HACE1: variants seen among roughly 807,000 people sequenced by gnomAD.
The protein encoded by HACE1 is E3 ubiquitin-protein ligase HACE1.
Under a neutral mutation model 118.4 loss-of-function variants are expected in HACE1, and 73 were observed. That is an observed-to-expected ratio of 0.62 (90% CI 0.51 to 0.75). The LOEUF (loss-of-function observed/expected upper bound fraction) is 0.75, where lower values mean the gene tolerates loss of function less well. HACE1 is among the 30% of genes least tolerant of loss of function. The pLI is 0.00. For synonymous variants in HACE1, 368 were observed against 374.8 expected (o/e 0.98, Z 0.21); for missense variants, 749 against 1,102.2 (o/e 0.68, Z 4.54).
chr6:104,805,608 A>G (rs1202151355), intron 7 of HACE1, among the ~76,000 whole-genome samples: 1 of 152,200 alleles, frequency 6.6e-6, no homozygotes, highest in East Asian at 1.9e-4. Context: ...CCAAGGACAG[A>G]AAACTAAACA....
intron 22 of HACE1, among the ~76,000 whole-genome samples, chr6:104,739,174 C>T (rs1776317452): frequency 6.6e-6 from 1 of 152,146 alleles, no homozygotes; most frequent in Admixed American, 6.5e-5. Flanking sequence ...AAGCGCTAAA[C>T]ATGGAAAGGA....
intron 5 of HACE1, among the ~76,000 whole-genome samples, chr6:104,838,631 A>G (rs1366781110): frequency 6.6e-6 from 1 of 152,144 alleles, no homozygotes; most frequent in South Asian, 2.1e-4. Context: ...TCTCCAGGAC[A>G]TTGGTTTGGG....
chr6:104,810,635 C>T (rs1771498954), intron 7 of HACE1, among the ~76,000 whole-genome samples: 1 of 151,878 alleles, frequency 6.6e-6, no homozygotes, highest in Non-Finnish European at 1.5e-5. Flanking sequence ...ATACTGATAG[C>T]TCCTTAGGGA....
rs562213299 is a variant in HACE1, at chr6:104,847,400, TC to T, written c.326+1741del. ...TTCAGCAAGGGAATGAATGATTTAC[TC>T]TATGACCTTGGGTGTGACACATTAC... On this transcript the variant is annotated intron_variant, in intron 4 of 23. Transcript: ENST00000262903. 1.8e-4 allele frequency among the ~76,000 whole-genome samples: 28 copies of T among 152,384 alleles called. No individual in the cohort carries two copies. The East Asian group carries it at 5.2e-3, about 28-fold the overall frequency.
At chr6:104,856,441 G>GTT (rs35348044) in intron 1 of HACE1, among the ~76,000 whole-genome samples, 21,575 of 148,454 alleles carry the variant, frequency 0.15, 1,577 homozygotes, top group Middle Eastern at 0.24. Flanking sequence ...TTATTTATGT[G>GTT]TTTTTTTTTT....
At chr6:104,849,911 A>G (rs1313914600) in intron 3 of HACE1, among the ~76,000 whole-genome samples, 1 of 150,502 alleles carries the variant, frequency 6.6e-6, no homozygotes, top group Non-Finnish European at 1.5e-5. Context: ...CGGCCTCCCA[A>G]AGTGCTAGGA....
intron 22 of HACE1, among the ~76,000 whole-genome samples, chr6:104,733,656 C>T (rs1292020962): frequency 6.6e-6 from 1 of 151,656 alleles, no homozygotes; most frequent in African/African-American, 2.4e-5. Context: ...AGGGACCAGA[C>T]TGGCCAACAT....
chr6:104,756,410 TCA>T (rs1491522223), intron 19 of HACE1, among the ~76,000 whole-genome samples: 3 of 49,166 alleles, frequency 6.1e-5, no homozygotes, highest in Non-Finnish European at 1.1e-4. Flanking sequence ...AGATTCCATC[TCA>T]AAAAAAAAAA....
chr6:104,760,044 G>A (rs552199719), intron 19 of HACE1, among the ~76,000 whole-genome samples: 3 of 152,180 alleles, frequency 2.0e-5, no homozygotes, highest in African/African-American at 7.2e-5. Context: ...TTCTGAAATT[G>A]AGGCAATAAT....
chr6:104,841,928 A>G (rs1775154062), intron 5 of HACE1, among the ~76,000 whole-genome samples: 1 of 152,238 alleles, frequency 6.6e-6, no homozygotes, highest in Non-Finnish European at 1.5e-5. Flanking sequence ...GCAATATCCC[A>G]TACCACCTCC....
At chr6:104,772,969 C>T (rs552138966) in intron 17 of HACE1, among the ~76,000 whole-genome samples, 57 of 151,774 alleles carry the variant, frequency 3.8e-4, no homozygotes, top group African/African-American at 9.7e-4. Context: ...TACTTAAATG[C>T]CACTGAATTG....
chr6:104,798,842 T>C (rs1582526303), intron 7 of HACE1, among the ~76,000 whole-genome samples: 1 of 152,224 alleles, frequency 6.6e-6, no homozygotes, highest in African/African-American at 2.4e-5. Context: ...ATCCATCTTA[T>C]AAAACTGCTG....
intron 1 of HACE1, among the ~76,000 whole-genome samples, chr6:104,856,085 T>G (rs758654920): frequency 2.0e-5 from 3 of 152,198 alleles, no homozygotes; most frequent in Non-Finnish European, 4.4e-5. Context: ...GAATACAATT[T>G]GTTGCCAGAT....
intron 7 of HACE1, among the ~76,000 whole-genome samples, chr6:104,804,907 C>CA (rs1350540528): frequency 1.3e-5 from 2 of 152,172 alleles, no homozygotes; most frequent in Non-Finnish European, 2.9e-5. Flanking sequence ...AAACTACCAT[C>CA]AGAGTGAACA....
chr6:104,753,274 C>T (rs1186954383), intron 19 of HACE1, among the ~76,000 whole-genome samples: 1 of 152,170 alleles, frequency 6.6e-6, no homozygotes, highest in Non-Finnish European at 1.5e-5. Flanking sequence ...GGGGTGACTG[C>T]CATGTCTGGG....
At chr6:104,779,434 G>A (rs1781518355) in intron 14 of HACE1, among the ~76,000 whole-genome samples, 1 of 152,174 alleles carries the variant, frequency 6.6e-6, no homozygotes, top group Admixed American at 6.5e-5. Flanking sequence ...TTTGCTTTCA[G>A]TAAGAAAAGA....
intron 7 of HACE1, among the ~76,000 whole-genome samples, chr6:104,798,199 T>G (rs904080170): frequency 6.6e-6 from 1 of 151,888 alleles, no homozygotes; most frequent in Non-Finnish European, 1.5e-5. Flanking sequence ...TAAGCACAGG[T>G]GAAACTAGAA....
chr6:104,749,063 A>G (rs1400603941), intron 20 of HACE1, among the ~76,000 whole-genome samples: 2 of 152,174 alleles, frequency 1.3e-5, no homozygotes, highest in African/African-American at 2.4e-5. Flanking sequence ...AAACTTATTG[A>G]TATCAGTAAA....
intron 14 of HACE1, among the ~76,000 whole-genome samples, chr6:104,783,764 T>G (rs1582449343): frequency 6.6e-6 from 1 of 152,348 alleles, no homozygotes; most frequent in East Asian, 1.9e-4. Context: ...CCAAAGGGCA[T>G]ATGTTATGTA....
Sources: allele counts gnomAD v4.1 joint callset (sites outside exome capture counted in the v4.1 genomes callset), GRCh38; gene constraint gnomAD v4.1.1; transcripts MANE v1.5; gene names NCBI Gene and HGNC (gene_info 2026-07-23, HGNC 2026-07-21).